The following ABCD3 variants were observed in gnomAD, a reference collection of about 807,000 sequenced individuals.
The protein encoded by ABCD3 is ATP-binding cassette sub-family D member 3.
Under a neutral mutation model 105.5 loss-of-function variants are expected in ABCD3, and 41 were observed. The ratio of observed to expected loss-of-function variants is 0.39; its 90% CI spans 0.30 to 0.50. The LOEUF (loss-of-function observed/expected upper bound fraction) is 0.50. Among genes scored for constraint, ABCD3 ranks in the 20% least tolerant of loss-of-function variants. ABCD3 has a pLI of 0.84. For synonymous variants in ABCD3, 258 were observed against 269.0 expected, an observed-to-expected ratio of 0.96 and a Z score of 0.40; for missense variants, 622 against 806.3, an observed-to-expected ratio of 0.77 and a Z score of 2.77.
At chr1:94,505,246 G>A (rs541181798) in intron 20 of ABCD3, among the ~76,000 whole-genome samples, 1 of 152,068 alleles carries the variant, frequency 6.6e-6, no homozygotes, top group African/African-American at 2.4e-5. Context: ...TTTCAGCCAG[G>A]CTGGAGTGCA....
In ABCD3 at chr1:94,428,716, A is replaced by G. The variant is rs536362879; in HGVS notation, c.110+10128A>G. Among the ~76,000 whole-genome samples the G allele has an allele frequency of 3.3e-5, 5 of 151,860 alleles. No homozygotes were observed. In the East Asian group the frequency reaches 7.7e-4, roughly 24 times the overall value. ...TTGCTCCTCTTTGCCTTCCACCAGC[A>G]TTGTGAGGCCTCCTCAGCCATGTGG... is the stretch of plus-strand genomic sequence containing the variant. On this transcript the variant is annotated intron_variant, in intron 1 of 22. Transcript: ENST00000370214.
At chr1:94,505,492 G>C (rs568513299) in intron 20 of ABCD3, among the ~76,000 whole-genome samples, 4 of 151,880 alleles carry the variant, frequency 2.6e-5, no homozygotes, top group Admixed American at 2.6e-4. Flanking sequence ...GGGATTATAG[G>C]CGTGACCCAC....
At chr1:94,508,915 A>G (rs562649946) in intron 21 of ABCD3, among the ~76,000 whole-genome samples, 49 of 152,288 alleles carry the variant, frequency 3.2e-4, no homozygotes, top group Non-Finnish European at 4.9e-4. Flanking sequence ...TAGATATACA[A>G]TCATGTCATC....
intron 1 of ABCD3, among the ~76,000 whole-genome samples, chr1:94,444,331 C>CAAAA (rs35583952): frequency 2.1e-5 from 2 of 93,376 alleles, no homozygotes; most frequent in African/African-American, 9.4e-5. Flanking sequence ...GACTCCATCT[C>CAAAA]AAAAAAAAAA....
chr1:94,493,599 A>C (rs2101030952), intron 16 of ABCD3, among the ~76,000 whole-genome samples: 1 of 151,500 alleles, frequency 6.6e-6, no homozygotes, highest in African/African-American at 2.4e-5. Flanking sequence ...CTGGGTATAT[A>C]CCCAAAGGAC....
rs145177113 is a variant in ABCD3 at position 94,455,756 on chromosome 1, A to G, written c.111-2851A>G. 20 of 1,035,930 alleles carry G rather than the reference A, an allele frequency of 1.9e-5. No homozygotes were observed. In the East Asian group the frequency reaches 1.1e-3, roughly 55 times the overall value. The allele number at this position is 1,035,930 out of a possible 1,614,324, so 64.2% of individuals were successfully genotyped here. On this transcript the variant is annotated intron_variant, in intron 1 of 22. Transcript: ENST00000370214. ...AGGTATTTCATGGAAACTTGGAGAG[A>G]GAAAAGTGATGAAGTGATGGGAGAG...
At chr1:94,406,330 A>ATTTT in the ABCD3 span, 1 of 157,484 alleles carries the variant, frequency 6.3e-6, no homozygotes. Context: ...TCTTTATAGT[A>ATTTT]TTTTGTTTTG....
intron 1 of ABCD3, among the ~76,000 whole-genome samples, chr1:94,444,869 A>T (rs1253238361): frequency 6.6e-6 from 1 of 152,120 alleles, no homozygotes; most frequent in Admixed American, 6.5e-5. Context: ...GCACTGTGAG[A>T]TGTTTGCAAT....
chr1:94,417,688 A>G (rs1659075381), upstream of ABCD3, among the ~76,000 whole-genome samples: 1 of 152,266 alleles, frequency 6.6e-6, no homozygotes, highest in South Asian at 2.1e-4. Context: ...CGTGCAAAAC[A>G]CTGAAATCGA....
chr1:94,478,078 T>G (rs1291450188), intron 7 of ABCD3, among the ~76,000 whole-genome samples, 181 bp from the exon 8 acceptor site: 1 of 152,194 alleles, frequency 6.6e-6, no homozygotes, highest in Non-Finnish European at 1.5e-5. Flanking sequence ...AGAGGAAAAC[T>G]GTTATCTTTC....
intron 8 of ABCD3, chr1:94,478,812 A>G (rs1648892277): frequency 4.2e-6 from 2 of 481,658 alleles, no homozygotes; most frequent in East Asian, 5.0e-5. Context: ...TAAAATAACG[A>G]TACATTTAGA....
intron 5 of ABCD3, 45 bp from the exon 6 acceptor site, chr1:94,475,098 C>A: frequency 1.7e-6 from 2 of 1,209,468 alleles, no homozygotes; most frequent in Non-Finnish European, 2.4e-6. Flanking sequence ...GTTTAGTAAG[C>A]AGAAATGAAA....
At chr1:94,504,092 T>C (rs1456912023) in intron 20 of ABCD3, among the ~76,000 whole-genome samples, 2 of 151,884 alleles carry the variant, frequency 1.3e-5, no homozygotes, top group East Asian at 3.9e-4. Context: ...TTTGTATTTT[T>C]AGTAGAGACA....
the ABCD3 span, among the ~76,000 whole-genome samples, chr1:94,395,749 C>T: frequency 3.9e-5 from 6 of 152,078 alleles, no homozygotes; most frequent in East Asian, 1.2e-3. Context: ...ATTAATTCTG[C>T]AGGTGTGTGT....
At chr1:94,475,872 GT>G in intron 7 of ABCD3, 135 bp downstream of exon 7, 1 of 713,886 alleles carries the variant, frequency 1.4e-6, no homozygotes, top group South Asian at 2.2e-5. Flanking sequence ...GAAAATTAGA[GT>G]TGTTGTAATA....
the ABCD3 span, among the ~76,000 whole-genome samples, chr1:94,412,278 T>G: frequency 6.6e-6 from 1 of 152,198 alleles, no homozygotes; most frequent in South Asian, 2.1e-4. Context: ...GTTACCCTTC[T>G]TGCAGTCAAG....
rs138399744 is a variant in ABCD3, at chr1:94,457,640, G to A, written c.111-967G>A. Among the ~76,000 whole-genome samples the A allele has an allele frequency of 5.0e-3, 765 of 152,156 alleles. 4 individuals are homozygous for A. The highest frequency in any genetic ancestry group is 9.1e-3 in the Non-Finnish European group (616 of 67,990). On this transcript the variant is annotated intron_variant, in intron 1 of 22. Coordinates refer to ENST00000370214, the MANE Select transcript of ABCD3 (RefSeq NM_002858.4). ...CCTCTCCTCATGTCACAGACTTCCTGGGGCAGCATGCATTTGCAGACTGAG... is the reference window on the plus strand; with the variant it reads ...CCTCTCCTCATGTCACAGACTTCCTAGGGCAGCATGCATTTGCAGACTGAG...
intron 20 of ABCD3, among the ~76,000 whole-genome samples, chr1:94,501,140 G>A (rs1650072357): frequency 6.6e-6 from 1 of 151,734 alleles, no homozygotes; most frequent in South Asian, 2.1e-4. Context: ...ATTCAAAGGC[G>A]TGCCCAGAGC....
Position 94,489,903 on chromosome 1 carries a change from G to A in ABCD3, c.1250G>A (p.Gly417Asp). Residue 417 changes from glycine to aspartate, a missense_variant and splice_region_variant, in exon 15 of 23, where the codon GGT (glycine) becomes GAT (aspartate). Transcript: ENST00000370214. ...CTTTAATACCTATTTTCCATTTAAG[G>A]TATTGAAGGAGTACAAGTCATTCCC... is the stretch of plus-strand genomic sequence containing the variant. ...ERTMVSQQEK[G>D]IEGVQVIPLI... 6.2e-7 allele frequency: 1 copy of A among 1,612,988 alleles called. No homozygotes were observed. The highest frequency in any genetic ancestry group is 1.3e-5 in the African/African-American group (1 of 74,940).
Sources: allele counts gnomAD v4.1 joint callset (sites outside exome capture counted in the v4.1 genomes callset), GRCh38; gene constraint gnomAD v4.1.1; transcripts MANE v1.5; gene names NCBI Gene and HGNC (gene_info 2026-07-23, HGNC 2026-07-21).